The following TRAPPC9 variants were observed in gnomAD, a reference collection of about 807,000 sequenced individuals.
The protein encoded by TRAPPC9 is trafficking protein particle complex subunit 9, also known as IKK2 binding protein.
Under a neutral mutation model 124.0 loss-of-function variants are expected in TRAPPC9, and 83 were observed. That is an observed-to-expected ratio of 0.67 (90% confidence interval 0.56 to 0.80). The LOEUF (loss-of-function observed/expected upper bound fraction) is 0.80, where lower values mean the gene tolerates loss of function less well. TRAPPC9 is among the 30% of genes least tolerant of loss of function. The pLI is 0.00. For missense variants in TRAPPC9, 1,302 were observed against 1,508.3 expected, an observed-to-expected ratio of 0.86 and a Z score of 2.27; for synonymous variants, 638 against 617.5, an observed-to-expected ratio of 1.03 and a Z score of -0.49.
chr8:140,292,415 G>A lies in TRAPPC9; in HGVS notation c.1769-1337C>T, dbSNP rs143347464. Among the ~76,000 whole-genome samples the A allele has an allele frequency of 4.5e-4, 68 of 152,306 alleles. No individual in the cohort carries two copies. The East Asian group carries it at 0.013, about 29-fold the overall frequency. On this transcript the variant is annotated intron_variant, in intron 11 of 22. Coordinates refer to ENST00000438773, the MANE Select transcript of TRAPPC9 (RefSeq NM_001160372.4). ...ACTCAGAGGCACCCCGAGCAGACAC[G>A]GGTGGCTAACAGGGCAGTGGAGGGC...
intron 21 of TRAPPC9, among the ~76,000 whole-genome samples, chr8:139,780,974 C>G (rs113860474): frequency 2.0e-5 from 3 of 152,118 alleles, no homozygotes; most frequent in Non-Finnish European, 2.9e-5. Flanking sequence ...TGATGAGATA[C>G]CACTATATGC....
At chr8:140,288,823 A>T (rs2065563769) in intron 12 of TRAPPC9, among the ~76,000 whole-genome samples, 1 of 152,250 alleles carries the variant, frequency 6.6e-6, no homozygotes, top group African/African-American at 2.4e-5. Flanking sequence ...GCAAGGTTTC[A>T]TAACAGTTAC....
At chr8:140,311,880 GC>G (rs5895637) in intron 9 of TRAPPC9, among the ~76,000 whole-genome samples, 35,938 of 152,050 alleles carry the variant, frequency 0.24, 5,017 homozygotes, top group East Asian at 0.64. Flanking sequence ...TCACCATCCT[GC>G]CCCCATCCCT....
chr8:140,197,500 T>C lies in TRAPPC9; in HGVS notation c.2556+23959A>G, dbSNP rs78931123. 7.1e-3 allele frequency among the ~76,000 whole-genome samples: 1,088 copies of C among 152,300 alleles called. 7 individuals carry two copies. Among genetic ancestry groups the C allele is most frequent in the African/African-American group, 0.024 (1,012 of 41,564 alleles). ...CTGAATTCGAACCCCGGGGTGTTTT[T>C]GTTTTTTGTTTGGTTTTGTTTTGCT... On this transcript the variant is annotated intron_variant, in intron 17 of 22. Transcript: ENST00000438773.
intron 18 of TRAPPC9, among the ~76,000 whole-genome samples, chr8:140,022,541 A>G (rs568823413): frequency 1.4e-4 from 22 of 152,314 alleles, no homozygotes; most frequent in Admixed American, 1.4e-3. Flanking sequence ...CAATGGGGAA[A>G]AAAAGACGAA....
At chr8:139,817,044 A>AC in intron 21 of TRAPPC9, among the ~76,000 whole-genome samples, 2 of 146,210 alleles carry the variant, frequency 1.4e-5, no homozygotes, top group Admixed American at 6.8e-5. Flanking sequence ...AACATAAACT[A>AC]AACACACACA....
chr8:140,093,667 TAAA>T (rs35712232), intron 17 of TRAPPC9, among the ~76,000 whole-genome samples: 68 of 137,676 alleles, frequency 4.9e-4, no homozygotes, highest in African/African-American at 7.5e-4. Context: ...GACTTCGTCT[TAAA>T]AAAAAAAAAA....
At chr8:140,009,610 G>A (rs1416743985) in intron 18 of TRAPPC9, among the ~76,000 whole-genome samples, 2 of 152,118 alleles carry the variant, frequency 1.3e-5, no homozygotes, top group Non-Finnish European at 2.9e-5. Flanking sequence ...TTTGTTCTGA[G>A]GATATCCAGA....
At chr8:140,220,396 T>C (rs4490814) in intron 17 of TRAPPC9, among the ~76,000 whole-genome samples, 58,750 of 152,020 alleles carry the variant, frequency 0.39, 14,443 homozygotes, top group Non-Finnish European at 0.55. Flanking sequence ...CCAGTCCCCT[T>C]GGCTAACCCA....
At position 139,885,968 on chromosome 8, in the gene TRAPPC9, G is replaced by C. The variant is rs1402223950; in HGVS notation, c.2966C>G (p.Pro989Arg). ...CGCCTCGCCACTGCGCTTCAGGGAG[G>C]GGTGAGCCTTGGTCAAGGAAAACGC... is the stretch of plus-strand genomic sequence containing the variant. ...HSKLGICWRI[P>R]SLKRSGEASV... The change falls in exon 21 of 23, where the codon CCC becomes CGC. Residue 989 changes from proline to arginine, a missense_variant and splice_region_variant. Physicochemically the swap from Pro to Arg is moderately radical, Grantham distance 103. Transcript: ENST00000438773. 6.4e-7 allele frequency: 1 copy of C among 1,563,736 alleles called. No individual in the cohort carries two copies.
intron 17 of TRAPPC9, chr8:140,096,037 G>A (rs778798743): frequency 6.6e-6 from 1 of 152,226 alleles, no homozygotes; most frequent in Admixed American, 6.5e-5. Context: ...AGTATACCAC[G>A]TGAGGGAGGG....
chr8:140,077,024 C>T (rs1019681632), intron 17 of TRAPPC9, among the ~76,000 whole-genome samples: 5 of 151,716 alleles, frequency 3.3e-5, no homozygotes, highest in East Asian at 1.9e-4. Flanking sequence ...ATATTAGCTG[C>T]GCATGGTAGC....
At chr8:140,299,516 C>T (rs1049905153) in intron 11 of TRAPPC9, among the ~76,000 whole-genome samples, 8 of 152,244 alleles carry the variant, frequency 5.3e-5, no homozygotes, top group Admixed American at 3.3e-4. Flanking sequence ...GCCGCGGTTG[C>T]GCAGGCCTCC....
chr8:140,187,669 C>T (rs184539707), intron 17 of TRAPPC9, among the ~76,000 whole-genome samples: 1 of 152,270 alleles, frequency 6.6e-6, no homozygotes, highest in African/African-American at 2.4e-5. Context: ...TCGTCCTGGC[C>T]TTTCCCTGTT....
chr8:140,013,102 C>T (rs979245716), intron 18 of TRAPPC9, among the ~76,000 whole-genome samples: 26 of 152,298 alleles, frequency 1.7e-4, no homozygotes, highest in Non-Finnish European at 3.8e-4. Flanking sequence ...CAATGGGACC[C>T]TAAGTGTAAT....
intron 17 of TRAPPC9, among the ~76,000 whole-genome samples, chr8:140,093,351 C>T (rs560866103): frequency 1.1e-3 from 162 of 152,244 alleles, no homozygotes; most frequent in African/African-American, 3.7e-3. Context: ...AGAACAAGCT[C>T]TTAAAGTCCA....
chr8:140,321,063 C>T (rs1010610544), intron 9 of TRAPPC9, among the ~76,000 whole-genome samples: 1 of 152,244 alleles, frequency 6.6e-6, no homozygotes, highest in African/African-American at 2.4e-5. Flanking sequence ...ACATGGAGGA[C>T]TTGCAAGATT....
intron 1 of TRAPPC9, among the ~76,000 whole-genome samples, chr8:140,456,100 G>A (rs1372999722): frequency 6.6e-6 from 1 of 152,138 alleles, no homozygotes; most frequent in Non-Finnish European, 1.5e-5. Flanking sequence ...GGTAACACAA[G>A]TGTGAATATA....
intron 20 of TRAPPC9, among the ~76,000 whole-genome samples, chr8:139,906,543 G>A (rs1831375417): frequency 1.3e-5 from 2 of 152,108 alleles, no homozygotes; most frequent in African/African-American, 4.8e-5. Context: ...AGTAGGGAAG[G>A]GCATAGGGGA....
Sources: gnomAD v4.1 joint callset for allele counts (sites outside exome capture counted in the v4.1 genomes callset) on GRCh38, gnomAD v4.1.1 for gene constraint, MANE v1.5 for transcripts, NCBI Gene and HGNC (gene_info 2026-07-23, HGNC 2026-07-21) for gene names.